PRELID2: variants seen among roughly 807,000 people sequenced by gnomAD.
The protein encoded by PRELID2 is PRELI domain containing 2, also known as PRELI domain-containing protein 2.
PRELID2 carries 25 observed loss-of-function variants against 28.4 expected under a neutral mutation model. The observed-to-expected ratio is 0.88, with a 90% CI of 0.64 to 1.23. The LOEUF (loss-of-function observed/expected upper bound fraction) is 1.23, where lower values mean the gene tolerates loss of function less well. Among genes scored for constraint, PRELID2 ranks in the 50% most tolerant of loss-of-function variants. The pLI is 0.00. For synonymous variants in PRELID2, 76 were observed against 71.6 expected (o/e 1.06, Z -0.31); for missense variants, 201 against 214.4 (o/e 0.94, Z 0.39).
At chr5:145,731,877 C>T (rs1403947661) in intron 1 of PRELID2, among the ~76,000 whole-genome samples, 1 of 152,258 alleles carries the variant, frequency 6.6e-6, no homozygotes, top group East Asian at 1.9e-4. Context: ...ACAGCAGAAG[C>T]CTCTGAATTA....
At chr5:145,330,758 C>T in the PRELID2 span, among the ~76,000 whole-genome samples, 3 of 151,876 alleles carry the variant, frequency 2.0e-5, no homozygotes, top group Non-Finnish European at 4.4e-5. Context: ...AAAGGTTTTT[C>T]GTACCTCTAT....
intron 1 of PRELID2, among the ~76,000 whole-genome samples, chr5:145,495,062 T>C (rs1752298899): frequency 6.6e-6 from 1 of 152,212 alleles, no homozygotes; most frequent in African/African-American, 2.4e-5. Flanking sequence ...TGGTCTATGC[T>C]CACTGTCTCT....
At chr5:145,549,517 G>A (rs563064968) in intron 1 of PRELID2, among the ~76,000 whole-genome samples, 17 of 152,200 alleles carry the variant, frequency 1.1e-4, no homozygotes, top group South Asian at 8.3e-4. Flanking sequence ...AGTGGCACAC[G>A]CCTCACAAAG....
chr5:145,657,493 G>A (rs1159107652), intron 1 of PRELID2, among the ~76,000 whole-genome samples: 3 of 152,092 alleles, frequency 2.0e-5, no homozygotes, highest in Admixed American at 1.3e-4. Context: ...AGACCAACCT[G>A]GCTAACATGG....
intron 4 of PRELID2, among the ~76,000 whole-genome samples, chr5:145,811,107 A>C (rs796877944): frequency 4.1e-5 from 6 of 146,748 alleles, no homozygotes; most frequent in South Asian, 4.3e-4. Flanking sequence ...AAAAAAAAAA[A>C]AAAAAAAAAA....
At chr5:145,727,250 C>T (rs1215259459) in intron 1 of PRELID2, among the ~76,000 whole-genome samples, 1 of 152,184 alleles carries the variant, frequency 6.6e-6, no homozygotes, top group Non-Finnish European at 1.5e-5. Flanking sequence ...AGACACACTC[C>T]AAAGCCATGA....
At chr5:145,290,336 A>G in the PRELID2 span, among the ~76,000 whole-genome samples, 1 of 152,160 alleles carries the variant, frequency 6.6e-6, no homozygotes, top group Non-Finnish European at 1.5e-5. Flanking sequence ...AGCAGCAAAG[A>G]CTTGGAACCA....
intron 1 of PRELID2, among the ~76,000 whole-genome samples, chr5:145,507,343 G>A (rs956311777): frequency 2.6e-5 from 4 of 152,042 alleles, no homozygotes; most frequent in African/African-American, 9.7e-5. Context: ...ATAAAATGGG[G>A]GGGAAAAACT....
At chr5:145,690,072 C>T (rs1755116399) in intron 1 of PRELID2, among the ~76,000 whole-genome samples, 2 of 150,920 alleles carry the variant, frequency 1.3e-5, no homozygotes, top group South Asian at 4.2e-4. Flanking sequence ...TCACTGCAAC[C>T]TCCACCTCCC....
intron 1 of PRELID2, among the ~76,000 whole-genome samples, chr5:145,640,627 G>C (rs1340618993): frequency 2.7e-5 from 4 of 146,156 alleles, no homozygotes; most frequent in Non-Finnish European, 5.9e-5. Flanking sequence ...CTGGGCTACA[G>C]AGCGAGACTC....
At chr5:145,487,242 A>T (rs928673379) in intron 1 of PRELID2, among the ~76,000 whole-genome samples, 3 of 91,030 alleles carry the variant, frequency 3.3e-5, no homozygotes, top group Non-Finnish European at 8.0e-5. Flanking sequence ...AAAGTATAAT[A>T]ATAAAAAAAA....
At chr5:145,339,482 A>T in the PRELID2 span, among the ~76,000 whole-genome samples, 1 of 152,186 alleles carries the variant, frequency 6.6e-6, no homozygotes. Context: ...TAGAGGTTGC[A>T]CAGAGACATT....
chr5:145,814,974 T>C (rs1394021716), intron 4 of PRELID2, among the ~76,000 whole-genome samples: 3 of 152,250 alleles, frequency 2.0e-5, no homozygotes, highest in African/African-American at 4.8e-5. Flanking sequence ...AGAATCTGTA[T>C]GTTACGACTG....
At chr5:145,648,339 G>A (rs1754231317) in intron 1 of PRELID2, among the ~76,000 whole-genome samples, 1 of 152,034 alleles carries the variant, frequency 6.6e-6, no homozygotes, top group Non-Finnish European at 1.5e-5. Context: ...TTGAAAGGAT[G>A]CAAACAGTAC....
In PRELID2 at chr5:145,532,773, T is replaced by C. The variant is rs77165097; in HGVS notation, n.71-59458A>G. Among the ~76,000 whole-genome samples the C allele has an allele frequency of 9.7e-3, 1,482 of 152,256 alleles. 7 individuals carry two copies. Among genetic ancestry groups the C allele is most frequent in the African/African-American group, 0.015 (625 of 41,572 alleles). ...GCATAATTTCCTCTGGGTTAATCCA[T>C]ATTGTTGCAAATGACAGGATTTTCT... On this transcript the variant is annotated intron_variant and non_coding_transcript_variant, in intron 1 of 2. Coordinates refer to the PRELID2 transcript ENST00000510259.
the PRELID2 span, among the ~76,000 whole-genome samples, chr5:145,311,173 T>C: frequency 6.6e-6 from 1 of 152,188 alleles, no homozygotes; most frequent in African/African-American, 2.4e-5. Context: ...CTCCCCGTGG[T>C]CACTCAGGGA....
At chr5:145,681,541 T>C (rs1754936247) in intron 1 of PRELID2, among the ~76,000 whole-genome samples, 1 of 152,208 alleles carries the variant, frequency 6.6e-6, no homozygotes, top group South Asian at 2.1e-4. Flanking sequence ...CAAGTCTTAT[T>C]TTCCTTACTT....
At chr5:145,385,758 T>A in the PRELID2 span, among the ~76,000 whole-genome samples, 3 of 152,212 alleles carry the variant, frequency 2.0e-5, no homozygotes, top group East Asian at 5.8e-4. Context: ...GACTTATTTA[T>A]ATTTAGATCA....
At chr5:145,740,381 A>G (rs1413429175) in intron 1 of PRELID2, among the ~76,000 whole-genome samples, 1 of 136,644 alleles carries the variant, frequency 7.3e-6, no homozygotes, top group East Asian at 2.1e-4. Flanking sequence ...AAAAATTTAT[A>G]GAACTGAAAG....
Sources: gnomAD v4.1 joint callset for allele counts (sites outside exome capture counted in the v4.1 genomes callset) on GRCh38, gnomAD v4.1.1 for gene constraint, MANE v1.5 for transcripts, NCBI Gene and HGNC (gene_info 2026-07-23, HGNC 2026-07-21) for gene names.